DMC1: variants seen among roughly 807,000 people sequenced by gnomAD.
DMC1 encodes meiotic recombination protein DMC1 homolog.
DMC1 carries 27 observed loss-of-function variants against 50.1 expected under a neutral mutation model. The ratio of observed to expected loss-of-function variants is 0.54; its 90% confidence interval spans 0.40 to 0.74. The LOEUF (loss-of-function observed/expected upper bound fraction) is 0.74. DMC1 is among the 30% of genes least tolerant of loss of function. The pLI is 0.00. For synonymous variants in DMC1, 148 were observed against 136.1 expected, an observed-to-expected ratio of 1.09 and a Z score of -0.61; for missense variants, 295 against 420.2, an observed-to-expected ratio of 0.70 and a Z score of 2.60.
At chr22:38,542,835 G>A (rs116635921) in intron 8 of DMC1, among the ~76,000 whole-genome samples, 5,081 of 152,150 alleles carry the variant, frequency 0.033, 271 homozygotes, top group African/African-American at 0.12. Context: ...AAAACAGCAC[G>A]GTATGGGCAT....
intron 6 of DMC1, 136 bp from the exon 7 acceptor site, chr22:38,552,843 G>A (rs2090427120): frequency 2.2e-5 from 15 of 667,862 alleles, no homozygotes; most frequent in Non-Finnish European, 3.6e-5. Flanking sequence ...AAAGTATCTC[G>A]GATGTTATTT....
At chr22:38,513,979 G>C (rs947080060), downstream of DMC1, among the ~76,000 whole-genome samples, 1 of 152,206 alleles carries the variant, frequency 6.6e-6, no homozygotes, top group Admixed American at 6.5e-5. Context: ...AGGCCTGTTT[G>C]AAAACAATAG....
intron 6 of DMC1, among the ~76,000 whole-genome samples, chr22:38,554,360 C>T (rs922128428): frequency 5.4e-5 from 8 of 148,170 alleles, no homozygotes; most frequent in Admixed American, 1.4e-4. Flanking sequence ...AGCTCAGAAA[C>T]ACCAATAAAT....
At chr22:38,553,139 C>G (rs1032797447) in intron 6 of DMC1, among the ~76,000 whole-genome samples, 4 of 151,652 alleles carry the variant, frequency 2.6e-5, no homozygotes, top group Non-Finnish European at 4.4e-5. Context: ...TGAGCCACCA[C>G]GCCCGGCCTT....
intron 12 of DMC1, among the ~76,000 whole-genome samples, chr22:38,534,380 G>C (rs1041133927): frequency 7.9e-5 from 12 of 152,138 alleles, no homozygotes; most frequent in Non-Finnish European, 1.6e-4. Context: ...CAGTGGTTCA[G>C]AAGAAACTTC....
intron 13 of DMC1, 94 bp from the exon 14 acceptor site, chr22:38,520,183 A>G: frequency 9.5e-7 from 1 of 1,050,640 alleles, no homozygotes; most frequent in East Asian, 2.5e-5. Context: ...ATCAGTCTGA[A>G]TCTCCAGAGA....
the DMC1 span, among the ~76,000 whole-genome samples, chr22:38,509,753 T>G: frequency 6.6e-6 from 1 of 152,102 alleles, no homozygotes; most frequent in South Asian, 2.1e-4. Flanking sequence ...CACTGCAACT[T>G]CTGCCTCCTG....
intron 8 of DMC1, among the ~76,000 whole-genome samples, chr22:38,547,173 AT>A (rs201385638): frequency 0.033 from 5,049 of 152,102 alleles, 262 homozygotes; most frequent in African/African-American, 0.12. Context: ...AGTAGCTGGG[AT>A]TTATAGCAAC....
At chr22:38,544,524 A>G (rs1233535557) in intron 8 of DMC1, among the ~76,000 whole-genome samples, 1 of 152,126 alleles carries the variant, frequency 6.6e-6, no homozygotes, top group Non-Finnish European at 1.5e-5. Flanking sequence ...CATGTCTCCC[A>G]AAATGTGTAG....
chr22:38,551,204 C>T (rs1052653641), intron 7 of DMC1, among the ~76,000 whole-genome samples: 24 of 150,468 alleles, frequency 1.6e-4, no homozygotes, highest in Admixed American at 9.3e-4. Flanking sequence ...GCTGAGATCG[C>T]GCCACTGCAC....
At chr22:38,533,571 CAAT>C (rs2090179164) in intron 12 of DMC1, among the ~76,000 whole-genome samples, 1 of 152,032 alleles carries the variant, frequency 6.6e-6, no homozygotes, top group South Asian at 2.1e-4. Flanking sequence ...ATATATCTGT[CAAT>C]GATACATTTA....
chr22:38,538,667 A>C, intron 9 of DMC1, 55 bp from the exon 10 acceptor site: 14 of 1,443,820 alleles, frequency 9.7e-6, no homozygotes, highest in Non-Finnish European at 1.4e-5. Context: ...GCAGAGGCTA[A>C]GATCATTCAT....
At chr22:38,535,209 G>A (rs976000462) in intron 12 of DMC1, among the ~76,000 whole-genome samples, 5 of 151,866 alleles carry the variant, frequency 3.3e-5, no homozygotes, top group Admixed American at 6.6e-5. Context: ...TGAGGCAGGA[G>A]AATCGCCTGA....
intron 12 of DMC1, among the ~76,000 whole-genome samples, chr22:38,535,395 G>A (rs562513097): frequency 1.3e-5 from 2 of 149,684 alleles, no homozygotes; most frequent in South Asian, 4.2e-4. Context: ...GAGAAACAAA[G>A]GTGTATGTAC....
At chr22:38,550,103 G>A in intron 7 of DMC1, 106 bp from the exon 8 acceptor site, 1 of 796,718 alleles carries the variant, frequency 1.3e-6, no homozygotes, top group Non-Finnish European at 2.1e-6. Context: ...AGTACATTTT[G>A]CAAAGAGTCA....
chr22:38,539,941 A>G (rs2090262404), intron 8 of DMC1, among the ~76,000 whole-genome samples: 1 of 152,204 alleles, frequency 6.6e-6, no homozygotes, highest in Non-Finnish European at 1.5e-5. Context: ...GAAATAGTTT[A>G]TTATATTATT....
the DMC1 span, among the ~76,000 whole-genome samples, chr22:38,510,682 G>A: frequency 4.6e-5 from 7 of 152,112 alleles, no homozygotes; most frequent in Non-Finnish European, 8.8e-5. Flanking sequence ...TTTCATCTTA[G>A]GATATGAAAA....
the DMC1 span, among the ~76,000 whole-genome samples, chr22:38,510,282 C>T: frequency 1.3e-5 from 2 of 151,932 alleles, no homozygotes; most frequent in African/African-American, 4.8e-5. Flanking sequence ...GGTGAAACCC[C>T]GTCTCTACTA....
At chr22:38,555,683 G>A (rs2090462128) in intron 5 of DMC1, among the ~76,000 whole-genome samples, 1 of 151,838 alleles carries the variant, frequency 6.6e-6, no homozygotes, top group Non-Finnish European at 1.5e-5. Flanking sequence ...TGGAACCTGG[G>A]AATACTGCAT....
Sources: allele counts gnomAD v4.1 joint callset (sites outside exome capture counted in the v4.1 genomes callset), GRCh38; gene constraint gnomAD v4.1.1; transcripts MANE v1.5; gene names NCBI Gene and HGNC (gene_info 2026-07-23, HGNC 2026-07-21).